The following BMPR1B variants were observed in gnomAD, a reference collection of about 807,000 sequenced individuals.
BMPR1B encodes the protein bone morphogenetic protein receptor type-1B.
In BMPR1B, 12 loss-of-function variants were observed where a neutral mutation model predicts 59.1. That is an observed-to-expected ratio of 0.20 (90% confidence interval 0.13 to 0.33). The LOEUF is 0.33. Ranked by LOEUF, BMPR1B falls within the 10% of genes least tolerant of loss-of-function variation. BMPR1B has a pLI of 1.00. For synonymous variants in BMPR1B, 237 were observed against 207.3 expected (o/e 1.14, Z -1.23); for missense variants, 550 against 610.9 (o/e 0.90, Z 1.05).
intron 2 of BMPR1B, among the ~76,000 whole-genome samples, chr4:94,916,964 C>T (rs780549657): frequency 2.6e-5 from 4 of 152,232 alleles, no homozygotes; most frequent in Non-Finnish European, 5.9e-5. Flanking sequence ...GCTGATCTGG[C>T]AGCCATGTCT....
chr4:95,024,817 A>T (rs1385208553), intron 3 of BMPR1B, among the ~76,000 whole-genome samples: 1 of 152,156 alleles, frequency 6.6e-6, no homozygotes, highest in Non-Finnish European at 1.5e-5. Context: ...AAATGAAAAT[A>T]AAAGGCTGGG....
intron 1 of BMPR1B, among the ~76,000 whole-genome samples, chr4:94,856,659 A>G (rs1725765650): frequency 6.6e-6 from 1 of 152,182 alleles, no homozygotes; most frequent in Non-Finnish European, 1.5e-5. Flanking sequence ...TTGCTATAGC[A>G]TTGAAAAGGG....
intron 2 of BMPR1B, among the ~76,000 whole-genome samples, chr4:94,991,121 G>A (rs1721727944): frequency 6.6e-6 from 1 of 151,812 alleles, no homozygotes; most frequent in African/African-American, 2.4e-5. Context: ...CATGACATTC[G>A]ACATTGTTGA....
intron 3 of BMPR1B, among the ~76,000 whole-genome samples, chr4:95,078,384 CAT>C (rs1728867981): frequency 6.6e-6 from 1 of 152,170 alleles, no homozygotes; most frequent in Non-Finnish European, 1.5e-5. Context: ...AGTTTTAAGT[CAT>C]GGATTTCTGA....
chr4:95,000,634 T>C (rs1722379695), intron 3 of BMPR1B, among the ~76,000 whole-genome samples: 1 of 152,094 alleles, frequency 6.6e-6, no homozygotes, highest in African/African-American at 2.4e-5. Flanking sequence ...TATTATATGA[T>C]TGGGATGGTG....
intron 3 of BMPR1B, chr4:95,091,423 C>A: frequency 1.0e-6 from 1 of 974,838 alleles, no homozygotes; most frequent in Non-Finnish European, 1.2e-6. Context: ...AAAGGGACTA[C>A]TGAGAAAAAC....
chr4:94,821,008 C>T (rs1724188109), intron 1 of BMPR1B, among the ~76,000 whole-genome samples: 1 of 152,270 alleles, frequency 6.6e-6, no homozygotes, highest in South Asian at 2.1e-4. Flanking sequence ...TAGATTTTGC[C>T]TAGAAGCTTT....
chr4:94,898,531 C>T (rs895496271), intron 2 of BMPR1B, among the ~76,000 whole-genome samples: 14 of 152,088 alleles, frequency 9.2e-5, no homozygotes, highest in South Asian at 2.1e-4. Flanking sequence ...CTTTGCTCAG[C>T]GTTTCTTTTT....
At chr4:94,859,392 A>G (rs1165279905) in intron 1 of BMPR1B, among the ~76,000 whole-genome samples, 1 of 152,214 alleles carries the variant, frequency 6.6e-6, no homozygotes, top group African/African-American at 2.4e-5. Context: ...AGATTACAGC[A>G]CGCAATACCC....
intron 1 of BMPR1B, among the ~76,000 whole-genome samples, chr4:94,776,868 GTTAT>G (rs1229471395): frequency 1.3e-5 from 2 of 152,032 alleles, no homozygotes; most frequent in African/African-American, 4.8e-5. Context: ...CTTAGAGCCT[GTTAT>G]TTGTTACCAT....
chr4:94,831,801 A>T (rs1158590075), intron 1 of BMPR1B, among the ~76,000 whole-genome samples: 1 of 152,114 alleles, frequency 6.6e-6, no homozygotes, highest in African/African-American at 2.4e-5. Context: ...CATCACTCAC[A>T]TTACTGCCTG....
At chr4:94,887,403 C>CAAAAAAAAAAAAAAAAAAAAAAAAAAAA (rs57818132) in intron 2 of BMPR1B, among the ~76,000 whole-genome samples, 1 of 54,810 alleles carries the variant, frequency 1.8e-5, no homozygotes, top group Non-Finnish European at 3.5e-5. Context: ...CACCCCCCAC[C>CAAAAAAAAAAAAAAAAAAAAAAAAAAAA]AAAAAAAAAA....
chr4:94,841,652 G>A (rs947263503), intron 1 of BMPR1B, among the ~76,000 whole-genome samples: 10 of 151,972 alleles, frequency 6.6e-5, no homozygotes, highest in African/African-American at 2.2e-4. Flanking sequence ...ACTGATCTGC[G>A]CCCACTGGCA....
chr4:94,768,456 G>A (rs1722053675), intron 1 of BMPR1B, among the ~76,000 whole-genome samples: 3 of 152,030 alleles, frequency 2.0e-5, no homozygotes, highest in Admixed American at 6.6e-5. Flanking sequence ...AACAATATAG[G>A]AATGTTCATT....
At chr4:95,083,762 C>T (rs1290761711) in intron 3 of BMPR1B, among the ~76,000 whole-genome samples, 4 of 152,184 alleles carry the variant, frequency 2.6e-5, no homozygotes, top group African/African-American at 9.7e-5. Context: ...TATAACCACT[C>T]CATAATGCTT....
chr4:94,763,814 T>C (rs1371770446), intron 1 of BMPR1B, among the ~76,000 whole-genome samples: 1 of 152,242 alleles, frequency 6.6e-6, no homozygotes, highest in Non-Finnish European at 1.5e-5. Context: ...ACTAGTACAC[T>C]TTATGACCAT....
At chr4:94,851,646 A>G (rs1367225571) in intron 1 of BMPR1B, among the ~76,000 whole-genome samples, 2 of 149,508 alleles carry the variant, frequency 1.3e-5, no homozygotes, top group Admixed American at 1.3e-4. Context: ...TTATACAGCT[A>G]TTAATCATAT....
At chr4:94,886,171 C>A (rs1331754013) in intron 2 of BMPR1B, among the ~76,000 whole-genome samples, 1 of 151,942 alleles carries the variant, frequency 6.6e-6, no homozygotes, top group Non-Finnish European at 1.5e-5. Flanking sequence ...AAATAATAAT[C>A]AAAAGTAAGC....
intron 3 of BMPR1B, among the ~76,000 whole-genome samples, chr4:95,067,692 C>T (rs1727942442): frequency 6.6e-6 from 1 of 152,180 alleles, no homozygotes; most frequent in Admixed American, 6.5e-5. Context: ...TACTCCTCCC[C>T]TTAAGCATCA....
Sources: gnomAD v4.1 joint callset for allele counts (sites outside exome capture counted in the v4.1 genomes callset) on GRCh38, gnomAD v4.1.1 for gene constraint, MANE v1.5 for transcripts, NCBI Gene and HGNC (gene_info 2026-07-23, HGNC 2026-07-21) for gene names.